The following ITGA9 variants were observed in gnomAD, a reference collection of about 807,000 sequenced individuals.
The protein encoded by ITGA9 is integrin subunit alpha 9, also known as integrin alpha-9.
Under a neutral mutation model 127.8 loss-of-function variants are expected in ITGA9, and 56 were observed. The ratio of observed to expected loss-of-function variants is 0.44; its 90% CI spans 0.35 to 0.55. ITGA9 has a LOEUF of 0.55. ITGA9 is among the 20% of genes least tolerant of loss of function. The pLI is 0.00. For synonymous variants in ITGA9, 508 were observed against 514.5 expected, an observed-to-expected ratio of 0.99 and a Z score of 0.17; for missense variants, 1,196 against 1,347.1, an observed-to-expected ratio of 0.89 and a Z score of 1.76.
intron 10 of ITGA9, among the ~76,000 whole-genome samples, chr3:37,518,450 G>T (rs1699009806): frequency 6.6e-6 from 1 of 152,172 alleles, no homozygotes; most frequent in South Asian, 2.1e-4. Flanking sequence ...GAAGATCTAG[G>T]TTTTGTTCTA....
chr3:37,518,175 GT>G (rs1384618972), intron 10 of ITGA9, among the ~76,000 whole-genome samples: 1 of 151,072 alleles, frequency 6.6e-6, no homozygotes, highest in African/African-American at 2.4e-5. Context: ...TTGGACAGCA[GT>G]GTTCCTCACA....
At chr3:37,673,077 A>G (rs1700652288) in intron 17 of ITGA9, among the ~76,000 whole-genome samples, 1 of 152,226 alleles carries the variant, frequency 6.6e-6, no homozygotes, top group Non-Finnish European at 1.5e-5. Flanking sequence ...TGAAATCTGC[A>G]GGAATCGAAA....
chr3:37,719,339 G>T (rs1302760390), intron 18 of ITGA9, among the ~76,000 whole-genome samples: 2 of 152,170 alleles, frequency 1.3e-5, no homozygotes, highest in African/African-American at 4.8e-5. Flanking sequence ...CTGAGACAGG[G>T]CTCCATGAGC....
chr3:37,618,489 T>C (rs1700096786), intron 15 of ITGA9, among the ~76,000 whole-genome samples: 1 of 152,254 alleles, frequency 6.6e-6, no homozygotes, highest in South Asian at 2.1e-4. Flanking sequence ...TCTTCAAAGC[T>C]GTCAGACAGG....
chr3:37,587,891 C>T (rs1699773668), intron 15 of ITGA9, among the ~76,000 whole-genome samples: 1 of 152,174 alleles, frequency 6.6e-6, no homozygotes, highest in Non-Finnish European at 1.5e-5. Flanking sequence ...TTATGTTAAA[C>T]GGACTCTCCT....
chr3:37,720,676 G>T (rs1374140203), intron 18 of ITGA9, among the ~76,000 whole-genome samples: 1 of 152,146 alleles, frequency 6.6e-6, no homozygotes, highest in Non-Finnish European at 1.5e-5. Context: ...GCTAGTCTTT[G>T]TACTTTGGGC....
intron 16 of ITGA9, among the ~76,000 whole-genome samples, chr3:37,652,653 G>T (rs1700440935): frequency 6.6e-6 from 1 of 152,188 alleles, no homozygotes; most frequent in Admixed American, 6.5e-5. Flanking sequence ...TATTCTCTGG[G>T]CAGGGAAGAA....
chr3:37,497,691 G>A (rs1370878513), intron 5 of ITGA9, among the ~76,000 whole-genome samples: 1 of 152,132 alleles, frequency 6.6e-6, no homozygotes, highest in Non-Finnish European at 1.5e-5. Context: ...GCCGTGTGGC[G>A]ACTTCACTCT....
At chr3:37,748,885 C>G in intron 22 of ITGA9, 1 of 1,060,832 alleles carries the variant, frequency 9.4e-7, no homozygotes, top group Non-Finnish European at 1.5e-6. Context: ...AACCTGTTCC[C>G]TATGAATTCA....
chr3:37,554,436 G>C (rs1291242904), intron 15 of ITGA9, among the ~76,000 whole-genome samples: 6 of 151,994 alleles, frequency 3.9e-5, no homozygotes, highest in Non-Finnish European at 4.4e-5. Context: ...GGCTTCCTAG[G>C]CCTTGGGAAG....
intron 23 of ITGA9, among the ~76,000 whole-genome samples, chr3:37,757,947 A>T (rs935031257): frequency 6.6e-6 from 1 of 151,824 alleles, no homozygotes; most frequent in African/African-American, 2.4e-5. Context: ...GAAACCAGAA[A>T]TGGAGAGCGG....
intron 26 of ITGA9, among the ~76,000 whole-genome samples, chr3:37,797,435 G>A (rs1180077470): frequency 1.3e-5 from 2 of 152,156 alleles, no homozygotes; most frequent in Admixed American, 6.5e-5. Flanking sequence ...ACACTGGGAT[G>A]CTATAGGAGG....
chr3:37,538,857 T>G (rs150698541), intron 14 of ITGA9, among the ~76,000 whole-genome samples: 1 of 152,320 alleles, frequency 6.6e-6, no homozygotes, highest in Non-Finnish European at 1.5e-5. Context: ...ATGTCAAAAT[T>G]TAAATCAAGG....
At chr3:37,796,528 CGGAT>C (rs1013005819) in intron 26 of ITGA9, among the ~76,000 whole-genome samples, 1 of 151,720 alleles carries the variant, frequency 6.6e-6, no homozygotes, top group African/African-American at 2.4e-5. Context: ...GACGGACAGA[CGGAT>C]GGACAGAGCA....
intron 15 of ITGA9, among the ~76,000 whole-genome samples, chr3:37,549,365 T>A (rs1699358656): frequency 6.6e-6 from 1 of 152,230 alleles, no homozygotes; most frequent in Non-Finnish European, 1.5e-5. Context: ...CCGCCTTAAG[T>A]CCTTTTTTGA....
rs1696569929 is a variant in ITGA9 at position 37,750,509 on chromosome 3, CTCTT to C, written c.2484_2487del (p.Phe829LeufsTer70). 1.9e-6 allele frequency: 3 copies of C among 1,613,918 alleles called. No individual in the cohort carries two copies. The African/African-American group carries it at 4.0e-5, about 22-fold the overall frequency. ...CCCTTCCAGGGTCATCTGTCAGCATCTCTTTCCCTAATCGACTCTCATCTGGTGG... is the reference window on the plus strand; with the variant it reads ...CCCTTCCAGGGTCATCTGTCAGCATCTCCCTAATCGACTCTCATCTGGTGG... On this transcript the variant is annotated frameshift_variant, in exon 23 of 28. Transcript: ENST00000264741. LOFTEE classifies it high-confidence loss of function.
chr3:37,715,535 G>A (rs570699435), intron 18 of ITGA9, among the ~76,000 whole-genome samples: 1 of 152,308 alleles, frequency 6.6e-6, no homozygotes, highest in South Asian at 2.1e-4. Context: ...AGTGTGAGAG[G>A]CATCCTTCCC....
intron 23 of ITGA9, among the ~76,000 whole-genome samples, chr3:37,772,784 T>G (rs1696859859): frequency 6.6e-6 from 1 of 152,192 alleles, no homozygotes; most frequent in African/African-American, 2.4e-5. Flanking sequence ...GTGATTCCCA[T>G]GTAACCACAG....
At chr3:37,534,926 T>A (rs1699193935) in intron 14 of ITGA9, among the ~76,000 whole-genome samples, 1 of 152,254 alleles carries the variant, frequency 6.6e-6, no homozygotes, top group African/African-American at 2.4e-5. Context: ...GGAAAAAAGC[T>A]TTCTGATAGT....
Sources: allele counts gnomAD v4.1 joint callset (sites outside exome capture counted in the v4.1 genomes callset), GRCh38; gene constraint gnomAD v4.1.1; transcripts MANE v1.5; gene names NCBI Gene and HGNC (gene_info 2026-07-23, HGNC 2026-07-21).